GSDMD: variants seen among roughly 807,000 people sequenced by gnomAD.
GSDMD encodes gasdermin D.
A neutral mutation model predicts 46.7 loss-of-function variants in GSDMD; 46 were observed. The ratio of observed to expected loss-of-function variants is 0.99; its 90% CI spans 0.78 to 1.26. The LOEUF (loss-of-function observed/expected upper bound fraction) is 1.26, where lower values mean the gene tolerates loss of function less well. Among genes scored for constraint, GSDMD ranks in the 50% most tolerant of loss-of-function variants. The probability of loss-of-function intolerance (pLI) is 0.00; values close to 1 mark genes in which losing one functional copy is unlikely to be tolerated. For synonymous variants in GSDMD, 307 were observed against 283.1 expected, an observed-to-expected ratio of 1.08 and a Z score of -0.85; for missense variants, 649 against 638.8, an observed-to-expected ratio of 1.02 and a Z score of -0.17.
At chr8:143,561,213 C>T (rs528256988) in intron 5 of GSDMD, 109 bp downstream of exon 5, 25 of 1,245,294 alleles carry the variant, frequency 2.0e-5, no homozygotes, top group Admixed American at 5.9e-5. Flanking sequence ...GGCTGAACAA[C>T]GTCCTGTGTC....
At position 143,559,497 on chromosome 8, in the gene GSDMD, T is replaced by C. The variant is rs544896045; in HGVS notation, c.162T>C (p.Tyr54=). ...PSSSWFWKPR[Y]KCVNLSIKDI... ...GCTCATGGTTCTGGAAACCCCGTTA[T>C]AAGTGTGTCAACCTGTCTATCAAGG... Residue 54 remains tyrosine (Y), a synonymous_variant, in exon 2 of 11, where the codon TAT becomes TAC. Transcript: ENST00000262580. The C allele has an allele frequency of 6.2e-7, 1 of 1,612,906 alleles. No individual in the cohort carries two copies. Among genetic ancestry groups the C allele is most frequent in the Admixed American group, 1.7e-5 (1 of 60,026 alleles).
At chr8:143,558,324 T>A, upstream of GSDMD, 1 of 1,522,184 alleles carries the variant, frequency 6.6e-7, no homozygotes, top group African/African-American at 1.4e-5. Context: ...GAGGGCGTCC[T>A]GGGCGGGCCC....
intron 3 of GSDMD, 78 bp downstream of exon 3, chr8:143,560,047 A>G: frequency 7.4e-7 from 1 of 1,344,102 alleles, no homozygotes; most frequent in South Asian, 1.3e-5. Flanking sequence ...TATTTATTTA[A>G]ATTATTTTTT....
chr8:143,560,502 G>GC, intron 3 of GSDMD, 101 bp from the exon 4 acceptor site: 1 of 1,288,476 alleles, frequency 7.8e-7, no homozygotes, highest in African/African-American at 1.5e-5. Flanking sequence ...CCTCTGGAGG[G>GC]CCCCTCTGCA....
chr8:143,559,981 G>GAGGGCTGGGCAGGGCAGGGCAGGGC lies in GSDMD; in HGVS notation c.410+17_410+18insTGGGCAGGGCAGGGCAGGGCAGGGC. The GAGGGCTGGGCAGGGCAGGGCAGGGC allele has an allele frequency of 6.3e-7, 1 of 1,588,500 alleles. No individual in the cohort carries two copies. Among genetic ancestry groups the GAGGGCTGGGCAGGGCAGGGCAGGGC allele is most frequent in the Non-Finnish European group, 8.6e-7 (1 of 1,161,170 alleles). On this transcript the variant is annotated intron_variant, in intron 3 of 10. Coordinates refer to ENST00000262580, the MANE Select transcript of GSDMD (RefSeq NM_024736.7). ...CTGCTCCATGAGAGGTGGGCCCGAA[G>GAGGGCTGGGCAGGGCAGGGCAGGGC]AGGGCAGGGCAGGGCAGGGCCCCAC...
chr8:143,554,412 G>A (rs1320306831), upstream of GSDMD, among the ~76,000 whole-genome samples: 1 of 147,346 alleles, frequency 6.8e-6, no homozygotes, highest in African/African-American at 2.5e-5. Flanking sequence ...GCACACGTAC[G>A]TGTATGCACA....
At chr8:143,554,599 A>G (rs747666320), upstream of GSDMD, among the ~76,000 whole-genome samples, 17 of 149,724 alleles carry the variant, frequency 1.1e-4, no homozygotes, top group Admixed American at 3.3e-4. Context: ...ATACACGCGC[A>G]CAACGCGCAC....
rs781777596 is a variant in GSDMD, at chr8:143,558,471, C to A, written c.-5+20C>A. On this transcript the variant is annotated intron_variant, in intron 1 of 10. Transcript: ENST00000262580. ...GTCACGGTGAGCTGCGCCCCGCCCC[C>A]TCCCCCGGCCTGGCTGGAGCTCCCG... 4.1e-6 allele frequency: 6 copies of A among 1,463,566 alleles called. No individual in the cohort carries two copies. The highest frequency in any genetic ancestry group is 5.4e-6 in the Non-Finnish European group (6 of 1,113,662). The allele number at this position is 1,463,566 out of a possible 1,614,324, so 90.7% of individuals were successfully genotyped here.
intron 5 of GSDMD, 106 bp downstream of exon 5, chr8:143,561,210 C>A: frequency 1.6e-6 from 2 of 1,264,028 alleles, no homozygotes; most frequent in Non-Finnish European, 2.3e-6. Flanking sequence ...CCTGGCTGAA[C>A]AACGTCCTGT....
Position 143,560,177 on chromosome 8 carries a change from G to C in GSDMD, c.410+208G>C, listed in dbSNP as rs986854289. 5 of 705,252 alleles carry C rather than the reference G, an allele frequency of 7.1e-6. No homozygotes were observed. In the African/African-American group the frequency reaches 8.7e-5, roughly 12 times the overall value. 43.7% of individuals were successfully genotyped at this position (705,252 alleles called of 1,614,324 possible). ...GGGTGAGCCACTGTGCCAGGTCCCA[G>C]CCTTGCTCTTGGGAAGGTCACAACC... is the stretch of plus-strand genomic sequence containing the variant. On this transcript the variant is annotated intron_variant, in intron 3 of 10. Transcript: ENST00000262580.
chr8:143,558,291 C>A, upstream of GSDMD: 1 of 1,467,724 alleles, frequency 6.8e-7, no homozygotes, highest in Non-Finnish European at 9.0e-7. Context: ...GGGGCCGGGG[C>A]GGGCTCTCCG....
rs866256696 is a variant in GSDMD at position 143,562,725 on chromosome 8, G to A, written c.1276G>A (p.Gly426Arg). 1.6e-5 allele frequency: 26 copies of A among 1,590,764 alleles called. No individual in the cohort carries two copies. Among genetic ancestry groups the A allele is most frequent in the African/African-American group, 8.1e-5 (6 of 74,330 alleles). ...QERSTMSLPPGLLGNSWGEGA... is the reference protein window; with the variant it reads ...QERSTMSLPPRLLGNSWGEGA... ...GCGCAGCACCATGTCCCTGCCCCCC[G>A]GGCTCCTGGGGAACAGCTGGGGCGA... is the stretch of plus-strand genomic sequence containing the variant. Residue 426 changes from glycine (G) to arginine (R), a missense_variant, in exon 11 of 11, where the codon GGG becomes AGG. Transcript: ENST00000262580.
intron 1 of GSDMD, chr8:143,559,127 C>T (rs781362718): frequency 8.3e-6 from 5 of 601,890 alleles, no homozygotes; most frequent in Non-Finnish European, 1.5e-5. Context: ...GTACCGTAGA[C>T]AACAGGGAGA....
chr8:143,562,220 CCAGAGCCT>C lies in GSDMD; in HGVS notation c.1009_1016del (p.Gln337TrpfsTer44). The C allele has an allele frequency of 2.5e-6, 4 of 1,574,156 alleles. No individual in the cohort carries two copies. Among genetic ancestry groups the C allele is most frequent in the Non-Finnish European group, 2.6e-6 (3 of 1,165,110 alleles). On this transcript the variant is annotated frameshift_variant, in exon 9 of 11. Transcript: ENST00000262580. LOFTEE classifies it high-confidence loss of function. ...TCCCGTGCCCACAGCTGGAGCAGGG[CCAGAGCCT>C]TGGGCCGGTGGAGCCCCTGGACGGT...
In GSDMD at chr8:143,562,137, C is replaced by CG; in HGVS notation, c.996+11dup. The CG allele has an allele frequency of 6.3e-7, 1 of 1,597,836 alleles. No individual in the cohort carries two copies. Among genetic ancestry groups the CG allele is most frequent in the Non-Finnish European group, 8.5e-7 (1 of 1,179,088 alleles). ...TGCGAGCCTTGGAGGAGGCGGTGAG[C>CG]GGGGGAGGGTGCCCGGGGCACACAA... On this transcript the variant is annotated splice_region_variant and intron_variant, in intron 8 of 10. Transcript: ENST00000262580.
upstream of GSDMD, among the ~76,000 whole-genome samples, chr8:143,555,660 C>T (rs924998066): frequency 6.6e-6 from 1 of 152,190 alleles, no homozygotes; most frequent in African/African-American, 2.4e-5. Context: ...CACCCCAGGG[C>T]GCTGGCTTCC....
In GSDMD at chr8:143,559,166, G is replaced by A. The variant is rs569542518; in HGVS notation, c.-4-166G>A. 20 of 606,062 alleles carry A rather than the reference G, an allele frequency of 3.3e-5. 1 individual carries two copies. Among genetic ancestry groups the A allele is most frequent in the South Asian group, 2.0e-4 (10 of 50,886 alleles). The allele number at this position is 606,062 out of a possible 1,614,324, so 37.5% of individuals were successfully genotyped here. A position where few individuals can be genotyped will look rare whatever the true frequency, so the allele number is the denominator to read the frequency against. ...CTGTAATTCTGTGTTGGGGAGGGCC[G>A]GGGACAGAAGCTTTCTGCTAGTGGG... On this transcript the variant is annotated intron_variant, in intron 1 of 10. Coordinates refer to ENST00000262580, the MANE Select transcript of GSDMD (RefSeq NM_024736.7).
chr8:143,560,298 C>A, intron 3 of GSDMD: 2 of 688,898 alleles, frequency 2.9e-6, no homozygotes, highest in South Asian at 3.0e-5. Flanking sequence ...GCCTCCGCTG[C>A]CAGGACTGGA....
Position 143,562,486 on chromosome 8 carries a change from C to G in GSDMD, c.1177C>G (p.Leu393Val), listed in dbSNP as rs763003782. 3 of 1,608,878 alleles carry G rather than the reference C, an allele frequency of 1.9e-6. No individual in the cohort carries two copies. Among genetic ancestry groups the G allele is most frequent in the Non-Finnish European group, 8.5e-7 (1 of 1,179,674 alleles). Reference protein sequence around the residue: ...ETQHKLLAEALESQTLLGPLE... With the variant: ...ETQHKLLAEAVESQTLLGPLE... ...GCAGCACAAGCTGCTGGCGGAGGCG[C>G]TGGAGTCGCAGACCCTGTTGGGGCC... The change falls in exon 10 of 11, where the codon CTG (leucine) becomes GTG (valine). Residue 393 changes from leucine (L) to valine (V), a missense_variant. Transcript: ENST00000262580.
Sources: gnomAD v4.1 joint callset for allele counts (sites outside exome capture counted in the v4.1 genomes callset) on GRCh38, gnomAD v4.1.1 for gene constraint, MANE v1.5 for transcripts, NCBI Gene and HGNC (gene_info 2026-07-23, HGNC 2026-07-21) for gene names.